RUFY3: variants seen among roughly 807,000 people sequenced by gnomAD.
The protein encoded by RUFY3 is protein RUFY3.
Under a neutral mutation model 84.0 loss-of-function variants are expected in RUFY3, and 34 were observed. The observed-to-expected ratio is 0.40, with a 90% confidence interval of 0.31 to 0.54. The LOEUF is 0.54. RUFY3 is among the 20% of genes least tolerant of loss of function. The probability of loss-of-function intolerance (pLI) is 0.39; values close to 1 mark genes in which losing one functional copy is unlikely to be tolerated. For synonymous variants in RUFY3, 242 were observed against 252.9 expected (o/e 0.96, Z 0.41); for missense variants, 507 against 736.8 (o/e 0.69, Z 3.61).
intron 5 of RUFY3, among the ~76,000 whole-genome samples, chr4:70,769,971 AC>A (rs1266729545): frequency 6.8e-6 from 1 of 146,068 alleles, no homozygotes; most frequent in Non-Finnish European, 1.5e-5. Context: ...ACAGGCATGC[AC>A]CACCACACCT....
At chr4:70,743,845 CTT>C (rs1343212565) in intron 1 of RUFY3, among the ~76,000 whole-genome samples, 4 of 151,956 alleles carry the variant, frequency 2.6e-5, no homozygotes, top group African/African-American at 9.7e-5. Flanking sequence ...CACTTTAACT[CTT>C]TTGATAATTT....
chr4:70,792,749 A>G (rs914221369), intron 12 of RUFY3: 4 of 985,264 alleles, frequency 4.1e-6, no homozygotes, highest in African/African-American at 1.7e-5. Flanking sequence ...GTGTGCTTAT[A>G]TAGGTCCCTG....
chr4:70,788,784 A>G, intron 10 of RUFY3, 22 bp from the exon 11 acceptor site: 3 of 1,612,488 alleles, frequency 1.9e-6, no homozygotes, highest in Non-Finnish European at 2.5e-6. Flanking sequence ...AGTGTAAGCA[A>G]TTTACTTACC....
chr4:70,753,104 TTTC>T (rs996925868), intron 1 of RUFY3, among the ~76,000 whole-genome samples: 2 of 152,180 alleles, frequency 1.3e-5, no homozygotes, highest in African/African-American at 4.8e-5. Flanking sequence ...AGATTTCCTA[TTTC>T]TTCTTATGTC....
intron 12 of RUFY3, chr4:70,793,284 A>G: frequency 1.0e-6 from 1 of 995,622 alleles, no homozygotes; most frequent in Non-Finnish European, 1.2e-6. Flanking sequence ...ATGTCCCATG[A>G]TTTAATATAT....
intron 12 of RUFY3, 172 bp downstream of exon 12, chr4:70,789,764 G>A: frequency 8.0e-7 from 1 of 1,242,498 alleles, no homozygotes. Flanking sequence ...AGGTATGACT[G>A]AAATGTTTTT....
intron 1 of RUFY3, among the ~76,000 whole-genome samples, chr4:70,729,756 A>G (rs1338774503): frequency 6.6e-6 from 1 of 152,138 alleles, no homozygotes; most frequent in African/African-American, 2.4e-5. Context: ...TTCTATTTTT[A>G]TATCTATCTT....
At chr4:70,791,858 C>T (rs1225556567) in intron 12 of RUFY3, 1 of 985,366 alleles carries the variant, frequency 1.0e-6, no homozygotes, top group Non-Finnish European at 1.2e-6. Context: ...CACTACACTT[C>T]TATTCTCAGT....
At chr4:70,733,877 G>A (rs1458828162) in intron 1 of RUFY3, among the ~76,000 whole-genome samples, 3 of 152,078 alleles carry the variant, frequency 2.0e-5, no homozygotes, top group Non-Finnish European at 4.4e-5. Flanking sequence ...TATTCTACAA[G>A]AGGACATATT....
At chr4:70,763,168 A>G (rs919752932) in intron 2 of RUFY3, among the ~76,000 whole-genome samples, 4 of 151,010 alleles carry the variant, frequency 2.6e-5, no homozygotes, top group Non-Finnish European at 5.9e-5. Flanking sequence ...TTTTTGTTTG[A>G]TTGTTTTTTT....
rs1400739422 is a variant in RUFY3, at chr4:70,784,875, G to A, written c.1067G>A (p.Arg356Gln). ...RKHLKEETQLRLDVEKELEMQ... is the reference protein window; with the variant it reads ...RKHLKEETQLQLDVEKELEMQ... ...CATTTAAAAGAAGAGACACAATTAC[G>A]ATTGGTAAACTATGCTTAATTTCTA... The change falls in exon 10 of 18, where the codon CGA becomes CAA. Residue 356 changes from arginine to glutamine, a missense_variant. This residue lies in a region of RUFY3 where 334 missense variants were observed against 364.1 expected (regional missense o/e 0.92). Transcript: ENST00000381006. The A allele has an allele frequency of 7.5e-6, 12 of 1,595,772 alleles. No homozygotes were observed. The highest frequency in any genetic ancestry group is 2.7e-5 in the African/African-American group (2 of 73,788).
At chr4:70,740,015 A>C (rs1363825815) in intron 1 of RUFY3, among the ~76,000 whole-genome samples, 2 of 151,802 alleles carry the variant, frequency 1.3e-5, no homozygotes, top group African/African-American at 4.8e-5. Flanking sequence ...AAAAAGATGA[A>C]ACACCCATAG....
Position 70,722,319 on chromosome 4 carries a change from A to G in RUFY3, c.-255A>G. ...GAGAGGAAGCTGGGAGAAGACAAGC[A>G]TCATCTTATTTTGCTATGTGGTAGG... On this transcript the variant is annotated 5_prime_UTR_variant, in exon 1 of 18. Transcript: ENST00000381006. 1 of 1,235,184 alleles carries G rather than the reference A, an allele frequency of 8.1e-7. No individual in the cohort carries two copies. Among genetic ancestry groups the G allele is most frequent in the Non-Finnish European group, 1.0e-6 (1 of 990,292 alleles). 76.5% of individuals were successfully genotyped at this position (1,235,184 alleles called of 1,614,324 possible).
At chr4:70,716,701 G>T (rs1741662074) in intron 1 of RUFY3, among the ~76,000 whole-genome samples, 1 of 151,848 alleles carries the variant, frequency 6.6e-6, no homozygotes, top group African/African-American at 2.4e-5. Flanking sequence ...AAAATTAGCT[G>T]GGCATGGTGG....
intron 1 of RUFY3, among the ~76,000 whole-genome samples, chr4:70,725,627 G>A (rs1022164855): frequency 3.3e-5 from 5 of 151,998 alleles, no homozygotes; most frequent in African/African-American, 7.2e-5. Flanking sequence ...CACCATGCCC[G>A]GCTTATATAC....
intron 9 of RUFY3, among the ~76,000 whole-genome samples, chr4:70,783,825 C>T (rs1236204633): frequency 6.6e-6 from 1 of 152,128 alleles, no homozygotes; most frequent in African/African-American, 2.4e-5. Flanking sequence ...AAATATTCCC[C>T]GATTTCTGTG....
chr4:70,801,284 A>AT (rs2148819744), intron 15 of RUFY3, among the ~76,000 whole-genome samples: 1 of 151,808 alleles, frequency 6.6e-6, no homozygotes, highest in Admixed American at 6.6e-5. Context: ...TGGTGGATAC[A>AT]TGTCATTATA....
chr4:70,723,235 A>T (rs1368475825), intron 1 of RUFY3, among the ~76,000 whole-genome samples: 2 of 152,188 alleles, frequency 1.3e-5, no homozygotes, highest in Non-Finnish European at 2.9e-5. Context: ...TAAGCAAGTT[A>T]TGACATCTAG....
upstream of RUFY3, among the ~76,000 whole-genome samples, chr4:70,717,457 G>A (rs771760953): frequency 2.0e-5 from 3 of 152,134 alleles, no homozygotes; most frequent in East Asian, 3.8e-4. Context: ...AAGTTGGGGG[G>A]CCTAGAGGAA....
Sources: gnomAD v4.1 joint callset for allele counts (sites outside exome capture counted in the v4.1 genomes callset) on GRCh38, gnomAD v4.1.1 for gene constraint, gnomAD v4.1.1 regional missense constraint, MANE v1.5 for transcripts, NCBI Gene and HGNC (gene_info 2026-07-23, HGNC 2026-07-21) for gene names.